The following TCERG1L variants were observed in gnomAD, a reference collection of about 807,000 sequenced individuals.
TCERG1L encodes the protein transcription elongation regulator 1-like protein.
TCERG1L carries 37 observed loss-of-function variants against 56.3 expected under a neutral mutation model. The ratio of observed to expected loss-of-function variants is 0.66; its 90% CI spans 0.51 to 0.87. The LOEUF is 0.87. TCERG1L is among the 40% of genes least tolerant of loss of function. The pLI is 0.00. For missense variants in TCERG1L, 799 were observed against 774.2 expected, an observed-to-expected ratio of 1.03 and a Z score of -0.38; for synonymous variants, 324 against 326.3, an observed-to-expected ratio of 0.99 and a Z score of 0.08.
Position 131,311,179 on chromosome 10 carries a change from G to T in TCERG1L, c.342+115C>A. 2 of 857,680 alleles carry T rather than the reference G, an allele frequency of 2.3e-6. No individual in the cohort carries two copies. The highest frequency in any genetic ancestry group is 3.0e-6 in the Non-Finnish European group (2 of 666,886). 53.1% of individuals were successfully genotyped at this position (857,680 alleles called of 1,614,324 possible). A position where few individuals can be genotyped will look rare whatever the true frequency, so the allele number is the denominator to read the frequency against. ...CTCCGTCCTGAGGGTTTGGGGCGGC[G>T]AGGACCGCCGGGGAGGAGGGCGCGC... On this transcript the variant is annotated intron_variant, in intron 1 of 11. Transcript: ENST00000368642. The surrounding 1 kb of genome is among the most constrained non-coding windows in gnomAD (Gnocchi z 4.0).
intron 4 of TCERG1L, among the ~76,000 whole-genome samples, chr10:131,170,164 T>C (rs1377143955): frequency 6.6e-6 from 1 of 152,116 alleles, no homozygotes; most frequent in African/African-American, 2.4e-5. Flanking sequence ...CTTGGAGGTG[T>C]GTGGGTGGCA....
At chr10:131,282,798 T>C (rs1331939259) in intron 3 of TCERG1L, among the ~76,000 whole-genome samples, 1 of 152,214 alleles carries the variant, frequency 6.6e-6, no homozygotes, top group African/African-American at 2.4e-5. Flanking sequence ...AGAGGGCTTC[T>C]GCCCTCCAGG....
intron 4 of TCERG1L, among the ~76,000 whole-genome samples, chr10:131,255,235 T>A (rs1846154610): frequency 6.6e-6 from 1 of 152,156 alleles, no homozygotes; most frequent in Non-Finnish European, 1.5e-5. Context: ...AAACAAATGC[T>A]GCACAAAAGT....
chr10:131,255,801 G>A (rs1846160175), intron 4 of TCERG1L, among the ~76,000 whole-genome samples: 1 of 152,224 alleles, frequency 6.6e-6, no homozygotes, highest in South Asian at 2.1e-4. Flanking sequence ...TTGCTCATAG[G>A]AATGATTTCC....
chr10:131,112,072 C>T lies in TCERG1L; in HGVS notation c.1395+4727G>A, dbSNP rs183663931. Among the ~76,000 whole-genome samples the T allele has an allele frequency of 1.7e-4, 24 of 142,762 alleles. 3 individuals are homozygous for T. Among genetic ancestry groups the T allele is most frequent in the Admixed American group, 1.4e-3 (20 of 14,556 alleles). The allele number at this position is 142,762 out of a possible 152,430, so 93.7% of individuals were successfully genotyped here. ...CTCAGGAAAATTGACCAAAGGCCTC[C>T]GCTGGGGCTGTAGAAGTTCAAGACC... On this transcript the variant is annotated intron_variant, in intron 9 of 11. Coordinates refer to ENST00000368642, the MANE Select transcript of TCERG1L (RefSeq NM_174937.4).
chr10:131,138,536 T>G (rs1486744158), intron 7 of TCERG1L, among the ~76,000 whole-genome samples: 1 of 152,136 alleles, frequency 6.6e-6, no homozygotes, highest in Non-Finnish European at 1.5e-5. Flanking sequence ...CTCAAAAGCA[T>G]GCAAAACCAG....
chr10:131,269,609 C>A (rs1846318509), intron 3 of TCERG1L, among the ~76,000 whole-genome samples: 2 of 152,208 alleles, frequency 1.3e-5, no homozygotes, highest in South Asian at 4.1e-4. Context: ...GATAGATTAA[C>A]CTCCCCATCT....
chr10:131,142,478 A>G (rs1012066332), intron 7 of TCERG1L, among the ~76,000 whole-genome samples: 1 of 152,260 alleles, frequency 6.6e-6, no homozygotes, highest in Non-Finnish European at 1.5e-5. Flanking sequence ...AATGAATGTC[A>G]TTATCAATTT....
chr10:131,208,752 T>TCAGTCAAAACA (rs1396217736), intron 4 of TCERG1L, among the ~76,000 whole-genome samples: 2 of 152,174 alleles, frequency 1.3e-5, no homozygotes, highest in African/African-American at 4.8e-5. Flanking sequence ...GTGGCTCATC[T>TCAGTCAAAACA]CAGTCAAAAC....
At chr10:131,265,834 G>C (rs576381195) in intron 3 of TCERG1L, among the ~76,000 whole-genome samples, 4 of 152,256 alleles carry the variant, frequency 2.6e-5, no homozygotes, top group Admixed American at 1.3e-4. Context: ...GCCGCTGACT[G>C]ATCAGGATGG....
chr10:131,147,764 C>T (rs1440105627), intron 6 of TCERG1L, among the ~76,000 whole-genome samples: 1 of 152,250 alleles, frequency 6.6e-6, no homozygotes, highest in Non-Finnish European at 1.5e-5. Flanking sequence ...CCGAGGGAGG[C>T]CCCCGACCTG....
intron 3 of TCERG1L, among the ~76,000 whole-genome samples, chr10:131,273,222 A>AC (rs1846357133): frequency 6.6e-6 from 1 of 151,672 alleles, no homozygotes; most frequent in African/African-American, 2.4e-5. Flanking sequence ...ACAGCCTGGG[A>AC]CCCCCATGGT....
At chr10:131,142,682 G>A (rs1054233901) in intron 7 of TCERG1L, among the ~76,000 whole-genome samples, 5 of 152,222 alleles carry the variant, frequency 3.3e-5, no homozygotes, top group Admixed American at 1.3e-4. Context: ...CAGACCCGCC[G>A]GGGTGCAAAT....
chr10:131,132,889 C>G (rs575472312), intron 8 of TCERG1L, among the ~76,000 whole-genome samples: 1 of 152,202 alleles, frequency 6.6e-6, no homozygotes, highest in Non-Finnish European at 1.5e-5. Context: ...CTGCCACGTG[C>G]GGCCCTAGAC....
chr10:131,115,482 G>GGCGTCCACGGGCCGGATCCACACGCGC (rs1564794464), intron 9 of TCERG1L, among the ~76,000 whole-genome samples: 9 of 43,572 alleles, frequency 2.1e-4, no homozygotes, highest in Non-Finnish European at 5.7e-4. Flanking sequence ...CCAACACCCA[G>GGCGTCCACGGGCCGGATCCACACGCGC]GCGTCCACAT....
At chr10:131,280,773 C>G (rs913537596) in intron 3 of TCERG1L, among the ~76,000 whole-genome samples, 5 of 152,052 alleles carry the variant, frequency 3.3e-5, no homozygotes, top group African/African-American at 9.7e-5. Context: ...ACATGTATAC[C>G]CAGGTAGTCT....
chr10:131,266,121 G>A (rs187532664), intron 3 of TCERG1L, among the ~76,000 whole-genome samples: 152 of 152,322 alleles, frequency 1.0e-3, no homozygotes, highest in Middle Eastern at 3.4e-3. Flanking sequence ...TCCATCTCAA[G>A]AAACCACTTT....
chr10:131,209,923 C>T (rs1348368667), intron 4 of TCERG1L, among the ~76,000 whole-genome samples: 3 of 152,102 alleles, frequency 2.0e-5, no homozygotes, highest in African/African-American at 7.2e-5. Flanking sequence ...AGCAAGGTTA[C>T]AAATATATTT....
chr10:131,196,552 A>T (rs1845365349), intron 4 of TCERG1L, among the ~76,000 whole-genome samples: 1 of 152,188 alleles, frequency 6.6e-6, no homozygotes, highest in East Asian at 1.9e-4. Flanking sequence ...CTGCATGTTC[A>T]GTCTCCACTG....
Sources: allele counts gnomAD v4.1 joint callset (sites outside exome capture counted in the v4.1 genomes callset), GRCh38; gene constraint gnomAD v4.1.1; non-coding constraint Gnocchi (gnomAD v3.1); transcripts MANE v1.5; gene names NCBI Gene and HGNC (gene_info 2026-07-23, HGNC 2026-07-21).